SYT9: variants seen among roughly 807,000 people sequenced by gnomAD.
SYT9 encodes synaptotagmin-9.
In SYT9, 22 loss-of-function variants were observed where a neutral mutation model predicts 48.4. The observed-to-expected ratio is 0.45, with a 90% CI of 0.32 to 0.65. The LOEUF (loss-of-function observed/expected upper bound fraction) is 0.65, where lower values mean the gene tolerates loss of function less well. Ranked by LOEUF, SYT9 falls within the 30% of genes least tolerant of loss-of-function variation. The probability of loss-of-function intolerance (pLI) is 0.03; values close to 1 mark genes in which losing one functional copy is unlikely to be tolerated. For synonymous variants in SYT9, 265 were observed against 245.0 expected (o/e 1.08, Z -0.76); for missense variants, 577 against 622.0 (o/e 0.93, Z 0.77).
chr11:7,443,350 G>A (rs936512670), intron 6 of SYT9, among the ~76,000 whole-genome samples: 1 of 152,202 alleles, frequency 6.6e-6, no homozygotes. Context: ...AACAGTTATG[G>A]TGTTACCTGG....
At chr11:7,449,322 CAAAAAAAAAAAAAAA>C (rs759372659) in intron 6 of SYT9, among the ~76,000 whole-genome samples, 25 of 44,770 alleles carry the variant, frequency 5.6e-4, no homozygotes, top group Admixed American at 1.3e-3. Context: ...GACTCCACCT[CAAAAAAAAAAAAAAA>C]AAAAAAAAAA....
chr11:7,340,864 C>T (rs1849701537), intron 3 of SYT9, among the ~76,000 whole-genome samples: 1 of 152,220 alleles, frequency 6.6e-6, no homozygotes, highest in Non-Finnish European at 1.5e-5. Flanking sequence ...TGAGGAGATA[C>T]AGGATTAGGG....
chr11:7,382,199 A>G (rs770400325), intron 3 of SYT9, among the ~76,000 whole-genome samples: 1 of 152,232 alleles, frequency 6.6e-6, no homozygotes, highest in Non-Finnish European at 1.5e-5. Context: ...ATCCTGCCCA[A>G]TGGTCTCACT....
At chr11:7,239,219 G>C (rs7105859) in intron 1 of SYT9, among the ~76,000 whole-genome samples, 81,252 of 151,908 alleles carry the variant, frequency 0.53, 22,311 homozygotes, top group African/African-American at 0.61. Context: ...ATGGAATGAA[G>C]TAGCTCCCCT....
intron 6 of SYT9, among the ~76,000 whole-genome samples, chr11:7,433,341 C>T (rs1353644771): frequency 6.6e-6 from 1 of 152,132 alleles, no homozygotes; most frequent in Non-Finnish European, 1.5e-5. Context: ...TGGACTAATA[C>T]ACCAATCAAG....
chr11:7,446,097 G>A (rs10839784), intron 6 of SYT9, among the ~76,000 whole-genome samples: 26,944 of 152,272 alleles, frequency 0.18, 2,623 homozygotes, highest in African/African-American at 0.24. Context: ...TCAAGTCCAC[G>A]TGGCAGACTT....
At chr11:7,324,885 C>T (rs917930056) in intron 3 of SYT9, among the ~76,000 whole-genome samples, 2 of 151,958 alleles carry the variant, frequency 1.3e-5, no homozygotes, top group African/African-American at 4.8e-5. Flanking sequence ...AATATTTTTC[C>T]TCAGTCTAAT....
At chr11:7,366,106 T>C (rs1850236328) in intron 3 of SYT9, among the ~76,000 whole-genome samples, 1 of 152,236 alleles carries the variant, frequency 6.6e-6, no homozygotes. Flanking sequence ...CAATCCTGGC[T>C]CCCATGATTC....
At chr11:7,406,843 T>C (rs1261840880) in intron 3 of SYT9, among the ~76,000 whole-genome samples, 2 of 152,080 alleles carry the variant, frequency 1.3e-5, no homozygotes, top group Non-Finnish European at 2.9e-5. Flanking sequence ...TTCTCCACAT[T>C]GTTGCTAGCA....
intron 3 of SYT9, among the ~76,000 whole-genome samples, chr11:7,364,408 A>T (rs1850203127): frequency 6.6e-6 from 1 of 152,160 alleles, no homozygotes. Context: ...ATTTTGTTAA[A>T]TTTCTAGTGT....
intron 2 of SYT9, among the ~76,000 whole-genome samples, chr11:7,312,465 C>A (rs1849155649): frequency 6.6e-6 from 1 of 152,156 alleles, no homozygotes; most frequent in Admixed American, 6.5e-5. Context: ...GAGCTAAAAA[C>A]AACAAAAGTA....
intron 6 of SYT9, among the ~76,000 whole-genome samples, chr11:7,430,217 A>AT (rs1226015733): frequency 1.3e-5 from 2 of 152,084 alleles, no homozygotes; most frequent in East Asian, 3.9e-4. Context: ...AGAATTACAT[A>AT]TTTTTTTCGC....
At chr11:7,271,664 C>T (rs2133887619) in intron 1 of SYT9, among the ~76,000 whole-genome samples, 1 of 152,288 alleles carries the variant, frequency 6.6e-6, no homozygotes, top group Non-Finnish European at 1.5e-5. Flanking sequence ...GCAAGCTCCA[C>T]CTCCTGGGTT....
intron 3 of SYT9, among the ~76,000 whole-genome samples, chr11:7,316,659 A>G (rs565457638): frequency 4.6e-5 from 7 of 152,294 alleles, no homozygotes; most frequent in African/African-American, 1.4e-4. Context: ...TTTATCCCTG[A>G]TAGAGGTAAG....
intron 3 of SYT9, among the ~76,000 whole-genome samples, chr11:7,402,038 T>A (rs1846904495): frequency 6.6e-6 from 1 of 152,076 alleles, no homozygotes; most frequent in Non-Finnish European, 1.5e-5. Flanking sequence ...TATTTGTGTT[T>A]TTATTTCCAG....
At chr11:7,386,762 T>C (rs559409814) in intron 3 of SYT9, among the ~76,000 whole-genome samples, 4 of 152,310 alleles carry the variant, frequency 2.6e-5, no homozygotes, top group Non-Finnish European at 5.9e-5. Flanking sequence ...GATCTTGAAC[T>C]AGAAATACCA....
intron 3 of SYT9, among the ~76,000 whole-genome samples, chr11:7,410,158 T>C (rs947870530): frequency 1.3e-5 from 2 of 152,138 alleles, no homozygotes; most frequent in Non-Finnish European, 2.9e-5. Context: ...GGTACCAGAG[T>C]TCCTCCTAGT....
chr11:7,249,323 C>T (rs1206260257), upstream of SYT9, among the ~76,000 whole-genome samples: 1 of 152,168 alleles, frequency 6.6e-6, no homozygotes, highest in Non-Finnish European at 1.5e-5. Flanking sequence ...CTCAGAATTT[C>T]ACTTCTACAC....
chr11:7,408,594 T>G (rs1365457774), intron 3 of SYT9, among the ~76,000 whole-genome samples: 2 of 152,242 alleles, frequency 1.3e-5, no homozygotes, highest in African/African-American at 4.8e-5. Flanking sequence ...TTTGTAGCTA[T>G]TGTAAATTGG....
Sources: allele counts gnomAD v4.1 joint callset (sites outside exome capture counted in the v4.1 genomes callset), GRCh38; gene constraint gnomAD v4.1.1; transcripts MANE v1.5; gene names NCBI Gene and HGNC (gene_info 2026-07-23, HGNC 2026-07-21).